The following USP9X variants were observed in gnomAD, a reference collection of about 807,000 sequenced individuals.
USP9X encodes the protein ubiquitin carboxyl-terminal hydrolase 9X.
A neutral mutation model predicts 190.3 loss-of-function variants in USP9X; 7 were observed. That is an observed-to-expected ratio of 0.04 (90% CI 0.02 to 0.07). USP9X has a LOEUF of 0.07. Among genes scored for constraint, USP9X ranks in the 10% least tolerant of loss-of-function variants. The pLI is 1.00. For missense variants in USP9X, 1,010 were observed against 1,916.9 expected, an observed-to-expected ratio of 0.53 and a Z score of 8.83; for synonymous variants, 645 against 659.5, an observed-to-expected ratio of 0.98 and a Z score of 0.34.
At chrX:41,168,710 G>T (rs2062699195) in intron 18 of USP9X, among the ~76,000 whole-genome samples, 1 of 111,462 alleles carries the variant, frequency 9.0e-6, no homozygotes, top group Non-Finnish European at 1.9e-5. Context: ...GCCCAGGCTG[G>T]TTTCAAACTC....
Position 41,136,825 on chromosome X carries a change from C to T in USP9X, c.457C>T (p.His153Tyr), listed in dbSNP as rs1329126063. The change falls in exon 6 of 45, where the codon CAT (histidine) becomes TAT (tyrosine). Residue 153 changes from histidine (H) to tyrosine (Y), a missense_variant. Coordinates refer to ENST00000378308, the MANE Select transcript of USP9X (RefSeq NM_001039591.3). Reference protein sequence around the residue: ...EIHRCIINNTHRLVELCVAKL... With the variant: ...EIHRCIINNTYRLVELCVAKL... ...ACAGAGGTGTATTATTAACAATACT[C>T]ATCGTCTGGTGGAGCTATGTGTGGC... The T allele has an allele frequency of 3.3e-6, 4 of 1,208,717 alleles. No homozygotes were observed. Among genetic ancestry groups the T allele is most frequent in the East Asian group, 3.0e-5 (1 of 33,751 alleles).
At chrX:41,230,940 A>G (rs1278912822) in intron 44 of USP9X, among the ~76,000 whole-genome samples, 1 of 111,882 alleles carries the variant, frequency 8.9e-6, no homozygotes, top group Non-Finnish European at 1.9e-5. Flanking sequence ...GGATTCCAAA[A>G]ACATTATTAA....
intron 21 of USP9X, among the ~76,000 whole-genome samples, chrX:41,172,294 G>C (rs2062733842): frequency 8.9e-6 from 1 of 112,226 alleles, no homozygotes; most frequent in South Asian, 3.6e-4. Flanking sequence ...CCGCCCAGGA[G>C]TTGTGGCAGA....
Position 41,197,331 on chromosome X carries a change from T to TCCCCCCCCCCCCCCCCCCCC in USP9X, c.4234-24_4234-23insCCCCCCCCCCCCCCCCCCCC. 2 of 486,765 alleles carry TCCCCCCCCCCCCCCCCCCCC rather than the reference T, an allele frequency of 4.1e-6. 1 individual carries two copies. 40.1% of individuals were successfully genotyped at this position (486,765 alleles called of 1,213,427 possible). ...TTCATAAGCTAGACATTTGATTTCT[T>TCCCCCCCCCCCCCCCCCCCC]CCCCCCCCCACCCCACCCCCCGCCT... is the stretch of plus-strand genomic sequence containing the variant. On this transcript the variant is annotated intron_variant, in intron 28 of 44. Coordinates refer to ENST00000378308, the MANE Select transcript of USP9X (RefSeq NM_001039591.3).
chrX:41,122,847 C>T (rs988162928), intron 1 of USP9X, among the ~76,000 whole-genome samples: 1 of 111,101 alleles, frequency 9.0e-6, no homozygotes, highest in Admixed American at 9.6e-5. Flanking sequence ...TGATCTTCTC[C>T]TGGAGTTCGG....
chrX:41,126,252 C>T (rs903227973), intron 2 of USP9X, among the ~76,000 whole-genome samples: 3 of 111,423 alleles, frequency 2.7e-5, no homozygotes, highest in African/African-American at 3.3e-5. Context: ...TTCCCATTTT[C>T]GAGACATAAA....
At chrX:41,152,731 G>A (rs2062540009) in intron 13 of USP9X, among the ~76,000 whole-genome samples, 1 of 112,057 alleles carries the variant, frequency 8.9e-6, no homozygotes, top group African/African-American at 3.2e-5. Context: ...TTGGAGAATA[G>A]TGATGGATGC....
intron 26 of USP9X, among the ~76,000 whole-genome samples, chrX:41,191,897 T>C (rs1453986628): frequency 8.9e-6 from 1 of 111,833 alleles, no homozygotes; most frequent in African/African-American, 3.3e-5. Flanking sequence ...TATATGTGCA[T>C]AAAAGTAGAA....
At position 41,232,726 on chromosome X, in the gene USP9X, A is replaced by G; in HGVS notation, c.*202A>G. ...AGTGGAAAGTGTATAGTGTTTTGTA[A>G]TAAATGGCCTGATGCTAATGTGTAA... On this transcript the variant is annotated 3_prime_UTR_variant, in exon 45 of 45. Coordinates refer to ENST00000378308, the MANE Select transcript of USP9X (RefSeq NM_001039591.3). The G allele has an allele frequency of 2.5e-6, 1 of 406,494 alleles. No individual in the cohort carries two copies. The allele number at this position is 406,494 out of a possible 1,213,427, so 33.5% of individuals were successfully genotyped here.
chrX:41,176,315 G>A (rs777756712), intron 21 of USP9X, among the ~76,000 whole-genome samples: 2 of 111,236 alleles, frequency 1.8e-5, no homozygotes, highest in South Asian at 7.5e-4. Flanking sequence ...TTTAAAACTT[G>A]CACATAGTTT....
Position 41,233,512 on chromosome X carries a change from T to C in USP9X, c.*988T>C, listed in dbSNP as rs1385920412. ...CTGTATTTGGTGTGCTTGTTTTGTT[T>C]CTTTGGTAGAGTTTATTAGGTGAAT... On this transcript the variant is annotated 3_prime_UTR_variant, in exon 45 of 45. Transcript: ENST00000378308. 1 of 112,384 alleles carries C rather than the reference T, an allele frequency of 8.9e-6. No individual in the cohort carries two copies. The highest frequency in any genetic ancestry group is 2.8e-4 in the East Asian group (1 of 3,604). 9.3% of individuals were successfully genotyped at this position (112,384 alleles called of 1,213,427 possible).
chrX:41,117,703 G>C (rs751569374), intron 1 of USP9X, among the ~76,000 whole-genome samples: 1 of 104,985 alleles, frequency 9.5e-6, no homozygotes, highest in African/African-American at 3.5e-5. Flanking sequence ...TCAGCCTCCC[G>C]AGTAGCTGGG....
intron 14 of USP9X, among the ~76,000 whole-genome samples, chrX:41,156,512 A>T (rs1463019458): frequency 8.9e-6 from 1 of 111,998 alleles, no homozygotes; most frequent in Non-Finnish European, 1.9e-5. Context: ...GCTTTACTTA[A>T]GGCATGGCAG....
At chrX:41,226,227 C>T (rs1273188051) in intron 41 of USP9X, among the ~76,000 whole-genome samples, 2 of 111,917 alleles carry the variant, frequency 1.8e-5, no homozygotes, top group Non-Finnish European at 3.8e-5. Flanking sequence ...TTTTTTCCCC[C>T]GTAAAAACTA....
Position 41,217,032 on chromosome X carries a change from C to T in USP9X, c.6086-188C>T, listed in dbSNP as rs7065184. Among the ~76,000 whole-genome samples the T allele has an allele frequency of 0.13, 14,711 of 110,241 alleles. 897 individuals carry two copies. Among genetic ancestry groups the T allele is most frequent in the East Asian group, 0.22 (767 of 3,511 alleles). On this transcript the variant is annotated intron_variant, in intron 35 of 44. Coordinates refer to ENST00000378308, the MANE Select transcript of USP9X (RefSeq NM_001039591.3). ...ACCCAAATTGATGGCCACTGCACTC[C>T]AGCCTGGGTGACAGTGAGTCTCCAT...
At chrX:41,117,727 G>A (rs184047130) in intron 1 of USP9X, among the ~76,000 whole-genome samples, 2 of 107,170 alleles carry the variant, frequency 1.9e-5, no homozygotes, top group African/African-American at 6.8e-5. Context: ...ACAGGCGCCC[G>A]CTATTGTATG....
At chrX:41,102,292 A>G (rs1248992955) in intron 1 of USP9X, among the ~76,000 whole-genome samples, 1 of 111,842 alleles carries the variant, frequency 8.9e-6, no homozygotes, top group Non-Finnish European at 1.9e-5. Context: ...TGGAAGATAC[A>G]GGCAGAAAGA....
At chrX:41,186,368 A>C (rs2062875525) in intron 23 of USP9X, 149 bp from the exon 24 acceptor site, 2 of 598,131 alleles carry the variant, frequency 3.3e-6, no homozygotes, top group African/African-American at 4.6e-5. Flanking sequence ...CTTTGTTGGC[A>C]GTGCTTTTTG....
chrX:41,120,212 G>A (rs779657124), intron 1 of USP9X, among the ~76,000 whole-genome samples: 24 of 111,288 alleles, frequency 2.2e-4, no homozygotes, highest in Non-Finnish European at 3.8e-4. Context: ...GACTCCCTGG[G>A]TTGGAATCCC....
Sources: gnomAD v4.1 joint callset for allele counts (sites outside exome capture counted in the v4.1 genomes callset) on GRCh38, gnomAD v4.1.1 for gene constraint, MANE v1.5 for transcripts, NCBI Gene and HGNC (gene_info 2026-07-23, HGNC 2026-07-21) for gene names.